The following GTF3C1 variants were observed in gnomAD, a reference collection of about 807,000 sequenced individuals.
GTF3C1 encodes the protein general transcription factor 3C polypeptide 1.
In GTF3C1, 57 loss-of-function variants were observed where a neutral mutation model predicts 226.7. That is an observed-to-expected ratio of 0.25 (90% CI 0.20 to 0.31). GTF3C1 has a LOEUF of 0.31. Ranked by LOEUF, GTF3C1 falls within the 10% of genes least tolerant of loss-of-function variation. The pLI is 1.00. For synonymous variants in GTF3C1, 1,090 were observed against 1,084.8 expected (o/e 1.00, Z -0.09); for missense variants, 2,217 against 2,776.1 (o/e 0.80, Z 4.53).
At chr16:27,481,391 T>C (rs1462638539) in intron 26 of GTF3C1, among the ~76,000 whole-genome samples, 200 bp from the exon 27 acceptor site, 1 of 152,022 alleles carries the variant, frequency 6.6e-6, no homozygotes. Context: ...CAAAAGACCC[T>C]CACCACTACG....
chr16:27,479,910 A>C (rs1006654688), intron 27 of GTF3C1, among the ~76,000 whole-genome samples: 2 of 152,322 alleles, frequency 1.3e-5, no homozygotes, highest in East Asian at 1.9e-4. Flanking sequence ...TTTTATGATT[A>C]AAAATTGTGG....
chr16:27,545,175 C>T (rs2089145015), intron 2 of GTF3C1, 139 bp downstream of exon 2: 2 of 682,980 alleles, frequency 2.9e-6, no homozygotes, highest in Admixed American at 2.4e-5. Context: ...CAGCGTTTTG[C>T]CATGTTGGCC....
chr16:27,480,017 G>A (rs918052650), intron 27 of GTF3C1, among the ~76,000 whole-genome samples: 14 of 151,976 alleles, frequency 9.2e-5, no homozygotes, highest in African/African-American at 2.7e-4. Context: ...TGGCTAACAC[G>A]GTGAAACCCC....
intron 4 of GTF3C1, 79 bp downstream of exon 4, chr16:27,537,705 G>A: frequency 1.0e-6 from 1 of 1,001,452 alleles, no homozygotes; most frequent in Non-Finnish European, 1.5e-6. Flanking sequence ...ACTGTACCCA[G>A]CTGCCCCTAC....
chr16:27,494,839 C>T lies in GTF3C1; in HGVS notation c.2702G>A (p.Gly901Asp). Residue 901 changes from glycine to aspartate, a missense_variant, in exon 16 of 37, where the codon GGC becomes GAC. By Grantham distance (94) the Gly-to-Asp change is moderately conservative. This residue lies in a region of GTF3C1 where 353 missense variants were observed against 411.7 expected (regional missense o/e 0.86). Transcript: ENST00000356183. ...PIPVHRDFGF[G>D]WALVSDILLC... ...GAGGATGTCGCTGACGAGAGCCCAGCCAAAGCCGAAGTCCCTGTGGACTGG... is the reference window on the plus strand; with the variant it reads ...GAGGATGTCGCTGACGAGAGCCCAGTCAAAGCCGAAGTCCCTGTGGACTGG... The T allele has an allele frequency of 6.2e-7, 1 of 1,612,758 alleles. No individual in the cohort carries two copies. Among genetic ancestry groups the T allele is most frequent in the Non-Finnish European group, 8.5e-7 (1 of 1,178,742 alleles).
At chr16:27,518,250 T>G (rs1222529598) in intron 6 of GTF3C1, among the ~76,000 whole-genome samples, 1 of 150,252 alleles carries the variant, frequency 6.7e-6, no homozygotes, top group Non-Finnish European at 1.5e-5. Flanking sequence ...CAGGGAACAC[T>G]GAATGACGGA....
intron 6 of GTF3C1, among the ~76,000 whole-genome samples, chr16:27,528,095 G>A (rs1253991524): frequency 1.6e-4 from 24 of 152,250 alleles, no homozygotes; most frequent in Middle Eastern, 3.4e-3. Flanking sequence ...CCAGCATGGC[G>A]AAACGCTGTC....
At chr16:27,544,348 G>A (rs2089133296) in intron 2 of GTF3C1, among the ~76,000 whole-genome samples, 1 of 151,864 alleles carries the variant, frequency 6.6e-6, no homozygotes, top group East Asian at 1.9e-4. Context: ...TCACACCACT[G>A]TACTCCAGCC....
chr16:27,528,005 G>T (rs973083042), intron 6 of GTF3C1, among the ~76,000 whole-genome samples: 1 of 152,028 alleles, frequency 6.6e-6, no homozygotes, highest in Non-Finnish European at 1.5e-5. Flanking sequence ...TGAGTGTGGT[G>T]GCTCACGCTT....
chr16:27,513,130 G>A (rs1293019068), intron 6 of GTF3C1, among the ~76,000 whole-genome samples: 3 of 152,134 alleles, frequency 2.0e-5, no homozygotes, highest in South Asian at 2.1e-4. Context: ...GATTATCCTC[G>A]ATTATCTGGG....
intron 13 of GTF3C1, 76 bp from the exon 14 acceptor site, chr16:27,497,897 G>A (rs1234404626): frequency 2.5e-6 from 3 of 1,221,516 alleles, no homozygotes; most frequent in Non-Finnish European, 3.5e-6. Context: ...CTGTCTGCAT[G>A]AATCAGATAC....
At chr16:27,465,637 C>G in intron 32 of GTF3C1, 97 bp from the exon 33 acceptor site, 1 of 952,870 alleles carries the variant, frequency 1.0e-6, no homozygotes, top group East Asian at 2.6e-5. Flanking sequence ...TGCTCCAGCA[C>G]CAACTCACTG....
intron 6 of GTF3C1, among the ~76,000 whole-genome samples, chr16:27,517,960 G>A (rs376618934): frequency 1.3e-5 from 2 of 152,142 alleles, no homozygotes; most frequent in East Asian, 3.8e-4. Context: ...GCTGTGAGGC[G>A]GAACCAAGAG....
intron 6 of GTF3C1, among the ~76,000 whole-genome samples, chr16:27,528,196 A>G (rs1010206138): frequency 3.9e-5 from 6 of 152,070 alleles, no homozygotes; most frequent in African/African-American, 1.4e-4. Flanking sequence ...AATTGCTTGA[A>G]CCCGAAAGGC....
In GTF3C1 at chr16:27,488,394, C is replaced by A. The variant is rs752074141; in HGVS notation, c.3533G>T (p.Trp1178Leu). 1.9e-6 allele frequency: 3 copies of A among 1,612,868 alleles called. No individual in the cohort carries two copies. The highest frequency in any genetic ancestry group is 3.3e-5 in the Admixed American group (2 of 59,996). Residue 1178 changes from tryptophan (W) to leucine (L), a missense_variant, in exon 23 of 37, where the codon TGG becomes TTG. Trp to Leu is a moderately conservative substitution (Grantham distance 61). Transcript: ENST00000356183. ...SARGNSRLNI[W>L]GEARVGSELC... Reference sequence around the variant, plus strand: ...CTCGGAGCCTACTCTTGCTTCCCCCCAAATATTCAACCTGCTGTTGCCTAG... The same window carrying A: ...CTCGGAGCCTACTCTTGCTTCCCCCAAAATATTCAACCTGCTGTTGCCTAG...
chr16:27,494,877 G>A lies in GTF3C1; in HGVS notation c.2664C>T (p.Tyr888=), dbSNP rs752591277. Reference sequence around the variant, plus strand: ...CCCTGTGGACTGGGATTGGGGGGATGTAGCGCATCCACGAGGCATCGTCGA... The same window carrying A: ...CCCTGTGGACTGGGATTGGGGGGATATAGCGCATCCACGAGGCATCGTCGA... The part of the protein sequence containing the change: ...VYVDDASWMR[Y]IPPIPVHRDF... Residue 888 remains tyrosine (Y), a synonymous_variant, in exon 16 of 37, where the codon TAC becomes TAT. Transcript: ENST00000356183. 4 of 1,613,702 alleles carry A rather than the reference G, an allele frequency of 2.5e-6. No individual in the cohort carries two copies. Among genetic ancestry groups the A allele is most frequent in the African/African-American group, 1.3e-5 (1 of 75,016 alleles).
At chr16:27,503,024 C>T (rs202220034) in intron 10 of GTF3C1, 29 bp from the exon 11 acceptor site, 1 of 1,600,904 alleles carries the variant, frequency 6.2e-7, no homozygotes, top group East Asian at 2.2e-5. Flanking sequence ...GCACAAGATG[C>T]AATGGGCTCG....
intron 2 of GTF3C1, among the ~76,000 whole-genome samples, chr16:27,541,216 T>C (rs1248853753): frequency 6.6e-6 from 1 of 152,148 alleles, no homozygotes; most frequent in East Asian, 1.9e-4. Context: ...GCTGCACGGT[T>C]ACAGAGGCAT....
At position 27,465,393 on chromosome 16, in the gene GTF3C1, G is replaced by A. The variant is rs1242664173; in HGVS notation, c.5222C>T (p.Ala1741Val). Residue 1741 changes from alanine to valine, a missense_variant, in exon 33 of 37, where the codon GCT (alanine) becomes GTT (valine). Transcript: ENST00000356183. ...LSGYSPEDLT[A>V]ALEILEAIIA... is the part of the protein sequence containing the mutation. Reference sequence around the variant, plus strand: ...AATGGCTTCCAAGATCTCCAAGGCAGCAGTCAGGTCTTCGGGACTATACCC... The same window carrying A: ...AATGGCTTCCAAGATCTCCAAGGCAACAGTCAGGTCTTCGGGACTATACCC... 2 of 1,614,024 alleles carry A rather than the reference G, an allele frequency of 1.2e-6. No homozygotes were observed. The highest frequency in any genetic ancestry group is 8.5e-7 in the Non-Finnish European group (1 of 1,180,004).
Sources: gnomAD v4.1 joint callset for allele counts (sites outside exome capture counted in the v4.1 genomes callset) on GRCh38, gnomAD v4.1.1 for gene constraint, gnomAD v4.1.1 regional missense constraint, MANE v1.5 for transcripts, NCBI Gene and HGNC (gene_info 2026-07-23, HGNC 2026-07-21) for gene names.